The following KRIT1 variants were observed in gnomAD, a reference collection of about 807,000 sequenced individuals.
The protein encoded by KRIT1 is KRIT1 ankyrin repeat containing, also known as krev interaction trapped protein 1.
In KRIT1, 45 loss-of-function variants were observed where a neutral mutation model predicts 95.8. The observed-to-expected ratio is 0.47, with a 90% confidence interval of 0.37 to 0.60. The LOEUF is 0.60. Ranked by LOEUF, KRIT1 falls within the 20% of genes least tolerant of loss-of-function variation. KRIT1 has a pLI of 0.00. For synonymous variants in KRIT1, 282 were observed against 278.8 expected (o/e 1.01, Z -0.11); for missense variants, 788 against 877.5 (o/e 0.90, Z 1.29).
chr7:92,224,956 G>A (rs1380215844), intron 12 of KRIT1, among the ~76,000 whole-genome samples: 1 of 151,982 alleles, frequency 6.6e-6, no homozygotes, highest in Admixed American at 6.6e-5. Context: ...TCAGGTGATC[G>A]AGACCATCCT....
intron 6 of KRIT1, among the ~76,000 whole-genome samples, 200 bp from the exon 7 acceptor site, chr7:92,236,742 T>G (rs770330880): frequency 2.0e-5 from 3 of 152,160 alleles, no homozygotes; most frequent in Admixed American, 1.3e-4. Context: ...ATTTAGAATT[T>G]TGGAGGACTG....
At chr7:92,227,006 T>C (rs1305221106) in intron 10 of KRIT1, among the ~76,000 whole-genome samples, 1 of 152,180 alleles carries the variant, frequency 6.6e-6, no homozygotes, top group Non-Finnish European at 1.5e-5. Context: ...TTTAGTCAAA[T>C]ATAGTTTCAG....
Position 92,228,855 on chromosome 7 carries a change from G to A in KRIT1, c.990-2173C>T, listed in dbSNP as rs188482144. 3.2e-4 allele frequency among the ~76,000 whole-genome samples: 49 copies of A among 152,182 alleles called. 1 individual carries two copies. The highest frequency in any genetic ancestry group is 1.1e-3 in the African/African-American group (47 of 41,508). On this transcript the variant is annotated intron_variant, in intron 10 of 18. Coordinates refer to ENST00000394505, the MANE Select transcript of KRIT1 (RefSeq NM_194454.3). ...GGAACACGTGGCATTTTCTGTTCCT[G>A]CATTAGTTTGCTAAAAATAATGGTC...
intron 5 of KRIT1, among the ~76,000 whole-genome samples, chr7:92,239,773 C>A (rs538783364): frequency 6.7e-6 from 1 of 148,562 alleles, no homozygotes; most frequent in Non-Finnish European, 1.5e-5. Context: ...TGCAGTGGCA[C>A]AATCTTGGCT....
rs759149249 is a variant in KRIT1, at chr7:92,200,792, C to A, written c.2155G>T (p.Val719Leu). The A allele has an allele frequency of 8.7e-6, 14 of 1,603,118 alleles. No homozygotes were observed. The Admixed American group carries it at 2.0e-4, about 23-fold the overall frequency. Residue 719 changes from valine to leucine, a missense_variant, in exon 19 of 19, where the codon GTA becomes TTA. Physicochemically the swap from Val to Leu is conservative, Grantham distance 32. Around this residue, in one of 3 missense-constraint regions of KRIT1, gnomAD observed 493 missense variants for 582.3 expected, o/e 0.85. Coordinates refer to ENST00000394505, the MANE Select transcript of KRIT1 (RefSeq NM_194454.3). ...CCATTTAGCTTCATTAACAGTTTTA[C>A]CACGAGACCAGCCTACAAAGTAAAA... ...IVHTKQAGLV[V>L]KLLMKLNGQL...
chr7:92,231,595 C>T (rs561293134), intron 10 of KRIT1, among the ~76,000 whole-genome samples: 4 of 152,298 alleles, frequency 2.6e-5, no homozygotes, highest in African/African-American at 9.6e-5. Context: ...TTCACTGTAT[C>T]ACAGTCAAGA....
intron 7 of KRIT1, 168 bp from the exon 8 acceptor site, chr7:92,235,814 T>C (rs1172108034): frequency 6.6e-6 from 4 of 605,778 alleles, no homozygotes; most frequent in Non-Finnish European, 1.1e-5. Flanking sequence ...TTTATTTATA[T>C]TGCAAATTGA....
At chr7:92,230,616 G>A (rs889888976) in intron 10 of KRIT1, among the ~76,000 whole-genome samples, 3 of 152,096 alleles carry the variant, frequency 2.0e-5, no homozygotes, top group Non-Finnish European at 4.4e-5. Flanking sequence ...AAAAGAAGTA[G>A]GTTCAGGTGA....
rs139377633 is a variant in KRIT1, at chr7:92,205,373, T to G, written c.2026-3950A>C. ...CAACAACAACAACAAAAAAGACACATAAAAATGAGGAAAATAAAAACTGGG... is the reference window on the plus strand; with the variant it reads ...CAACAACAACAACAAAAAAGACACAGAAAAATGAGGAAAATAAAAACTGGG... On this transcript the variant is annotated intron_variant, in intron 17 of 18. Transcript: ENST00000394505. 3.9e-5 allele frequency among the ~76,000 whole-genome samples: 6 copies of G among 151,906 alleles called. No homozygotes were observed. The East Asian group carries it at 1.2e-3, about 30-fold the overall frequency.
chr7:92,214,331 T>C (rs974227560), intron 15 of KRIT1, among the ~76,000 whole-genome samples: 2 of 152,114 alleles, frequency 1.3e-5, no homozygotes, highest in Middle Eastern at 3.2e-3. Context: ...AATGTTTTAC[T>C]ACTTATTCGA....
In KRIT1 at chr7:92,219,697, G is replaced by T. The variant is rs556205402; in HGVS notation, c.1563+2205C>A. ...AAAAAGCTATTGGAATACTGTTAGGGACTGCATTAAATCTGTAGATCACTT... is the reference window on the plus strand; with the variant it reads ...AAAAAGCTATTGGAATACTGTTAGGTACTGCATTAAATCTGTAGATCACTT... On this transcript the variant is annotated intron_variant, in intron 14 of 18. Transcript: ENST00000394505. 3.9e-5 allele frequency among the ~76,000 whole-genome samples: 6 copies of T among 152,280 alleles called. No individual in the cohort carries two copies. The East Asian group carries it at 9.7e-4, about 25-fold the overall frequency.
At chr7:92,216,637 C>G (rs1182928750) in intron 14 of KRIT1, among the ~76,000 whole-genome samples, 1 of 152,114 alleles carries the variant, frequency 6.6e-6, no homozygotes, top group Non-Finnish European at 1.5e-5. Flanking sequence ...ACACCTGCAA[C>G]TCAGTTTAAA....
intron 15 of KRIT1, among the ~76,000 whole-genome samples, chr7:92,214,374 G>A (rs1793513556): frequency 6.6e-6 from 1 of 151,802 alleles, no homozygotes; most frequent in African/African-American, 2.4e-5. Context: ...TAAGCATAAA[G>A]AAAGATAAAG....
chr7:92,243,208 T>G (rs752098643), intron 3 of KRIT1, among the ~76,000 whole-genome samples: 30 of 152,190 alleles, frequency 2.0e-4, no homozygotes, highest in Non-Finnish European at 4.0e-4. Flanking sequence ...AAATCTTAAG[T>G]CTCCATTGCG....
At position 92,235,473 on chromosome 7, in the gene KRIT1, A is replaced by G; in HGVS notation, c.659T>C (p.Leu220Ser). 6.2e-7 allele frequency: 1 copy of G among 1,613,604 alleles called. No individual in the cohort carries two copies. The highest frequency in any genetic ancestry group is 8.5e-7 in the Non-Finnish European group (1 of 1,179,506). Residue 220 changes from leucine to serine, a missense_variant, in exon 8 of 19, where the codon TTA becomes TCA. By Grantham distance (145) the Leu-to-Ser change is moderately radical (BLOSUM62 -2). Transcript: ENST00000394505. ...ACAGGTATCTGCTTTCTCTAGGGCTAACATTTTACTCTTTATTTCTAGTGC... is the reference window on the plus strand; with the variant it reads ...ACAGGTATCTGCTTTCTCTAGGGCTGACATTTTACTCTTTATTTCTAGTGC... ...YSALEIKSKM[L>S]ALEKADTCIY...
intron 10 of KRIT1, among the ~76,000 whole-genome samples, chr7:92,229,460 C>A (rs1375291515): frequency 1.3e-5 from 2 of 152,100 alleles, no homozygotes; most frequent in Non-Finnish European, 2.9e-5. Context: ...GAAAAAACCA[C>A]CCCATTAAAA....
At chr7:92,221,189 C>T (rs1257448410) in intron 14 of KRIT1, among the ~76,000 whole-genome samples, 1 of 151,944 alleles carries the variant, frequency 6.6e-6, no homozygotes, top group Non-Finnish European at 1.5e-5. Flanking sequence ...TAATCCCAGC[C>T]CTTTGGGAGG....
In KRIT1 at chr7:92,207,071, T is replaced by A. The variant is rs188373471; in HGVS notation, c.2026-5648A>T. On this transcript the variant is annotated intron_variant, in intron 17 of 18. Coordinates refer to ENST00000394505, the MANE Select transcript of KRIT1 (RefSeq NM_194454.3). ...TTAGAGGGAGAAGAAATGGAGAAAGTCAAAGAAAACCTACTTGAAGAAATA... is the reference window on the plus strand; with the variant it reads ...TTAGAGGGAGAAGAAATGGAGAAAGACAAAGAAAACCTACTTGAAGAAATA... Among the ~76,000 whole-genome samples the A allele has an allele frequency of 2.5e-3, 384 of 151,654 alleles. 4 individuals are homozygous for A. The highest frequency in any genetic ancestry group is 8.6e-3 in the African/African-American group (356 of 41,410).
chr7:92,214,694 A>T lies in KRIT1; in HGVS notation c.1647T>A (p.Ala549=), dbSNP rs1325674733. ...LLKGFYTAPD[A]KLITLASLLL... The stretch of plus-strand genomic sequence containing the variant: ...GCAGACTTGCCAATGTTATCAGCTT[A>T]GCATCAGGAGCTGTATAAAAGCCCT... The change falls in exon 15 of 19, where the codon GCT becomes GCA. Residue 549 remains alanine, a synonymous_variant. Coordinates refer to ENST00000394505, the MANE Select transcript of KRIT1 (RefSeq NM_194454.3). 1 of 1,608,762 alleles carries T rather than the reference A, an allele frequency of 6.2e-7. No individual in the cohort carries two copies. The highest frequency in any genetic ancestry group is 1.3e-5 in the African/African-American group (1 of 74,930).
Sources: allele counts gnomAD v4.1 joint callset (sites outside exome capture counted in the v4.1 genomes callset), GRCh38; gene constraint gnomAD v4.1.1; regional missense constraint gnomAD v4.1.1; transcripts MANE v1.5; gene names NCBI Gene and HGNC (gene_info 2026-07-23, HGNC 2026-07-21).